The following CCDC14 variants were observed in gnomAD, a reference collection of about 807,000 sequenced individuals.
CCDC14 encodes coiled-coil domain containing 14.
A neutral mutation model predicts 81.4 loss-of-function variants in CCDC14; 71 were observed. The observed-to-expected ratio is 0.87, with a 90% CI of 0.72 to 1.06. CCDC14 has a LOEUF of 1.06. CCDC14 is among the 50% of genes least tolerant of loss of function. The probability of loss-of-function intolerance (pLI) is 0.00; values close to 1 mark genes in which losing one functional copy is unlikely to be tolerated. For synonymous variants in CCDC14, 332 were observed against 364.8 expected (o/e 0.91, Z 1.03); for missense variants, 1,046 against 1,047.3 (o/e 1.00, Z 0.02).
At chr3:123,939,860 G>A (rs1364853371) in intron 9 of CCDC14, among the ~76,000 whole-genome samples, 1 of 151,810 alleles carries the variant, frequency 6.6e-6, no homozygotes, top group Non-Finnish European at 1.5e-5. Context: ...AGTAAGAAAA[G>A]GAAGAAGAGA....
At chr3:123,886,340 C>G in the CCDC14 span, among the ~76,000 whole-genome samples, 2 of 151,336 alleles carry the variant, frequency 1.3e-5, no homozygotes, top group Non-Finnish European at 2.9e-5. Flanking sequence ...CCTTCCTTCT[C>G]TCTCTCTTTT....
At chr3:123,959,687 T>G (rs1179404268) in intron 1 of CCDC14, among the ~76,000 whole-genome samples, 1 of 152,148 alleles carries the variant, frequency 6.6e-6, no homozygotes, top group East Asian at 1.9e-4. Context: ...TGGTCATTTC[T>G]CCAAGAAGCC....
In CCDC14 at chr3:123,915,661, G is replaced by A; in HGVS notation, c.1836C>T (p.Arg612=). 6.2e-7 allele frequency: 1 copy of A among 1,614,014 alleles called. No individual in the cohort carries two copies. The highest frequency in any genetic ancestry group is 8.5e-7 in the Non-Finnish European group (1 of 1,179,898). ...TGGTAAGGTTATTCCCAGGCTTGCA[G>A]CGAGCACTGTCCACACTAAGATCGG... ...LLSDLSVDSA[R]CKPGNNLTKS... The change falls in exon 13 of 13, where the codon CGC becomes CGT. Residue 612 remains arginine (R), a synonymous_variant. Transcript: ENST00000409697.
At chr3:123,916,468 TTGTGTGTGTG>T (rs71142765) in intron 12 of CCDC14, among the ~76,000 whole-genome samples, 18 of 146,180 alleles carry the variant, frequency 1.2e-4, no homozygotes, top group African/African-American at 2.8e-4. Context: ...ATATATGTGT[TTGTGTGTGTG>T]TGTGTGTGTG....
At chr3:123,901,292 T>C (rs1467486716) in intron 5 of CCDC14, among the ~76,000 whole-genome samples, 3 of 151,754 alleles carry the variant, frequency 2.0e-5, no homozygotes, top group African/African-American at 7.3e-5. Flanking sequence ...TATTAAGATA[T>C]CAGTGATACT....
intron 5 of CCDC14, among the ~76,000 whole-genome samples, chr3:123,907,724 A>T (rs942458144): frequency 2.0e-4 from 30 of 151,828 alleles, no homozygotes; most frequent in Admixed American, 6.6e-5. Context: ...TATAATAAAA[A>T]AAAAAACCCT....
At position 123,947,114 on chromosome 3, in the gene CCDC14, G is replaced by C; in HGVS notation, c.890C>G (p.Thr297Arg). The C allele has an allele frequency of 1.9e-6, 3 of 1,613,912 alleles. No individual in the cohort carries two copies. Among genetic ancestry groups the C allele is most frequent in the Non-Finnish European group, 2.5e-6 (3 of 1,179,870 alleles). ...TGTTTGAATACATTTTAGTAGGTCT[G>C]TTTCCTTATGAATTCCTTGTTGTGG... Reference protein sequence around the residue: ...ILPQQGIHKETDLLKCIQTYL... With the variant: ...ILPQQGIHKERDLLKCIQTYL... Residue 297 changes from threonine to arginine, a missense_variant, in exon 8 of 13, where the codon ACA (threonine) becomes AGA (arginine). Coordinates refer to ENST00000409697, the MANE Select transcript of CCDC14 (RefSeq NM_001366335.1).
chr3:123,928,971 T>C (rs908414350), intron 12 of CCDC14, among the ~76,000 whole-genome samples: 11 of 152,156 alleles, frequency 7.2e-5, no homozygotes, highest in African/African-American at 2.7e-4. Context: ...AAGACAGAAC[T>C]TTGAAAAAAA....
chr3:123,929,949 A>G (rs1202671013), intron 12 of CCDC14, among the ~76,000 whole-genome samples: 1 of 152,246 alleles, frequency 6.6e-6, no homozygotes, highest in African/African-American at 2.4e-5. Context: ...AAAAGGAAAC[A>G]TTCCTTGGGA....
intron 12 of CCDC14, among the ~76,000 whole-genome samples, chr3:123,926,553 A>G (rs2035371543): frequency 6.8e-6 from 1 of 147,978 alleles, no homozygotes; most frequent in Non-Finnish European, 1.5e-5. Flanking sequence ...TATATTTTTA[A>G]ATATAAATAT....
chr3:123,930,959 A>G, intron 12 of CCDC14, 143 bp downstream of exon 12: 1 of 696,028 alleles, frequency 1.4e-6, no homozygotes, highest in Middle Eastern at 3.9e-4. Flanking sequence ...AACAGAAGAA[A>G]ACATCATTAG....
At chr3:123,897,605 T>C (rs1173326860) in exon 6 of CCDC14, 5 of 1,194,796 alleles carry the variant, frequency 4.2e-6, no homozygotes, top group Non-Finnish European at 5.4e-6. Flanking sequence ...GTCCACAGTT[T>C]TAAAAAGTCT....
chr3:123,959,731 C>A (rs1309456746), intron 1 of CCDC14, among the ~76,000 whole-genome samples: 8 of 151,136 alleles, frequency 5.3e-5, no homozygotes, highest in African/African-American at 1.5e-4. Flanking sequence ...ACGTGGAAAC[C>A]AAGATCTAGG....
intron 5 of CCDC14, chr3:123,897,689 A>C (rs2034094941): frequency 1.4e-6 from 1 of 704,434 alleles, no homozygotes; most frequent in Admixed American, 4.3e-5. Context: ...TCTATCTGTC[A>C]TCCTTCCTTC....
Position 123,914,062 on chromosome 3 carries a change from TA to T in CCDC14, c.*716del, listed in dbSNP as rs764290670. 1.2e-4 allele frequency: 120 copies of T among 984,732 alleles called. No homozygotes were observed. The highest frequency in any genetic ancestry group is 1.0e-3 in the Middle Eastern group (2 of 1,912). The allele number at this position is 984,732 out of a possible 1,614,324, so 61.0% of individuals were successfully genotyped here. A position where few individuals can be genotyped will look rare whatever the true frequency, so the allele number is the denominator to read the frequency against. ...AGGACAAAAATAAACATTTCTTATTTAAAAAAAACCCACAAATTTCCCCAAC... is the reference window on the plus strand; with the variant it reads ...AGGACAAAAATAAACATTTCTTATTTAAAAAAACCCACAAATTTCCCCAAC... On this transcript the variant is annotated 3_prime_UTR_variant, in exon 13 of 13. Coordinates refer to ENST00000409697, the MANE Select transcript of CCDC14 (RefSeq NM_001366335.1).
In CCDC14 at chr3:123,915,597, C is replaced by A; in HGVS notation, c.1900G>T (p.Asp634Tyr). Residue 634 changes from aspartate (D) to tyrosine (Y), a missense_variant, in exon 13 of 13, where the codon GAC (aspartate) becomes TAC (tyrosine). Transcript: ENST00000409697. Reference sequence around the variant, plus strand: ...ATGGAAGTGTGAGCAGGAGCTGGGTCATGTTGAAGTTGTTTATCATGAATG... The same window carrying A: ...ATGGAAGTGTGAGCAGGAGCTGGGTAATGTTGAAGTTGTTTATCATGAATG... ...LNIHDKQLQH[D>Y]PAPAHTSIMS... 6.2e-7 allele frequency: 1 copy of A among 1,613,932 alleles called. No homozygotes were observed. The highest frequency in any genetic ancestry group is 8.5e-7 in the Non-Finnish European group (1 of 1,179,888).
chr3:123,886,663 TG>T, the CCDC14 span, among the ~76,000 whole-genome samples: 1 of 152,184 alleles, frequency 6.6e-6, no homozygotes, highest in Non-Finnish European at 1.5e-5. Context: ...CCCAAAGTGC[TG>T]GGATTACAGG....
At chr3:123,894,588 G>C (rs2034033372), downstream of CCDC14, among the ~76,000 whole-genome samples, 1 of 152,130 alleles carries the variant, frequency 6.6e-6, no homozygotes, top group Non-Finnish European at 1.5e-5. Context: ...CATAAACACA[G>C]AATGTCTTTC....
intron 12 of CCDC14, among the ~76,000 whole-genome samples, chr3:123,916,370 A>C (rs2034689447): frequency 6.6e-6 from 1 of 152,066 alleles, no homozygotes; most frequent in African/African-American, 2.4e-5. Flanking sequence ...CAGAGTAAAA[A>C]ACTGGCCTCA....
Sources: allele counts gnomAD v4.1 joint callset (sites outside exome capture counted in the v4.1 genomes callset), GRCh38; gene constraint gnomAD v4.1.1; transcripts MANE v1.5; gene names NCBI Gene and HGNC (gene_info 2026-07-23, HGNC 2026-07-21).